Variants in TTLL13 observed in about 807,000 individuals in gnomAD.
TTLL13 encodes tubulin polyglutamylase TTLL13.
At chr15:90,251,280 A>ATTTTTTTTTTTTTTTTTTTT in the TTLL13 span, among the ~76,000 whole-genome samples, 1 of 109,518 alleles carries the variant, frequency 9.1e-6, no homozygotes, top group Non-Finnish European at 1.8e-5. Flanking sequence ...CGCATGGCAA[A>ATTTTTTTTTTTTTTTTTTTT]TTTTTTTTTT....
chr15:90,258,417 G>A, the TTLL13 span: 2 of 729,980 alleles, frequency 2.7e-6, no homozygotes, highest in East Asian at 2.5e-5. Context: ...GAAGGCATAA[G>A]ATCTCTACCC....
At chr15:90,260,099 C>G in the TTLL13 span, among the ~76,000 whole-genome samples, 1 of 152,144 alleles carries the variant, frequency 6.6e-6, no homozygotes, top group African/African-American at 2.4e-5. Flanking sequence ...GACTGTGTAC[C>G]TGAGGGTCAT....
the TTLL13 span, chr15:90,262,872 A>G: frequency 7.4e-7 from 1 of 1,353,254 alleles, no homozygotes; most frequent in African/African-American, 1.5e-5. Context: ...GGAAGGGATG[A>G]GGGTAGAGTG....
the TTLL13 span, among the ~76,000 whole-genome samples, chr15:90,256,712 G>A: frequency 6.7e-6 from 1 of 148,792 alleles, no homozygotes; most frequent in Non-Finnish European, 1.5e-5. Flanking sequence ...TTCTTTCGAT[G>A]GAGTCTCTCT....
At chr15:90,264,057 C>A in the TTLL13 span, 2 of 1,527,856 alleles carry the variant, frequency 1.3e-6, no homozygotes, top group African/African-American at 2.7e-5. Context: ...GGCTCACTAG[C>A]CGTAAGTATG....
chr15:90,252,990 C>T, the TTLL13 span, among the ~76,000 whole-genome samples: 2 of 152,114 alleles, frequency 1.3e-5, no homozygotes, highest in Non-Finnish European at 2.9e-5. Flanking sequence ...GGGCGAAACT[C>T]CGTCTCTAAA....
At chr15:90,256,834 C>A in the TTLL13 span, among the ~76,000 whole-genome samples, 1 of 152,002 alleles carries the variant, frequency 6.6e-6, no homozygotes, top group Non-Finnish European at 1.5e-5. Flanking sequence ...ATCACAGGCA[C>A]CTGCCACCAC....
the TTLL13 span, chr15:90,264,971 C>T: frequency 1.3e-6 from 2 of 1,532,890 alleles, no homozygotes; most frequent in South Asian, 1.2e-5. Flanking sequence ...CAGGTAAAAG[C>T]AGGAGGGAAG....
the TTLL13 span, chr15:90,251,622 G>C: frequency 1.2e-6 from 2 of 1,611,196 alleles, no homozygotes; most frequent in Non-Finnish European, 8.5e-7. Flanking sequence ...CGCTCACACT[G>C]TGGTGCATAA....
the TTLL13 span, chr15:90,265,183 C>G: frequency 7.5e-7 from 1 of 1,328,306 alleles, no homozygotes; most frequent in East Asian, 2.7e-5. Context: ...TGAAGAGGCG[C>G]CAAGGCCAGC....
the TTLL13 span, chr15:90,262,630 C>T: frequency 3.3e-6 from 5 of 1,520,942 alleles, no homozygotes; most frequent in African/African-American, 6.9e-5. Context: ...AGAGCCTTTC[C>T]ACCCACTTGG....
the TTLL13 span, among the ~76,000 whole-genome samples, chr15:90,254,959 C>T: frequency 1.3e-5 from 2 of 152,364 alleles, no homozygotes; most frequent in African/African-American, 4.8e-5. Flanking sequence ...CCCATTAAAT[C>T]CTCAAGAACA....
At chr15:90,262,939 T>C in the TTLL13 span, 1 of 1,529,400 alleles carries the variant, frequency 6.5e-7, no homozygotes. Flanking sequence ...TTGGAGATCC[T>C]GCATTTATCT....
chr15:90,263,047 C>A, the TTLL13 span: 3 of 1,536,092 alleles, frequency 2.0e-6, no homozygotes, highest in Non-Finnish European at 2.6e-6. Flanking sequence ...GGCCCTGCTA[C>A]AAAGGGAGAC....
chr15:90,251,707 G>A, the TTLL13 span: 1 of 1,214,718 alleles, frequency 8.2e-7, no homozygotes. Context: ...GGCCTGGCGG[G>A]CTTGCCTCTA....
the TTLL13 span, chr15:90,265,288 A>T: frequency 8.2e-7 from 1 of 1,224,456 alleles, no homozygotes; most frequent in East Asian, 4.7e-5. Flanking sequence ...GAGGCCATCC[A>T]GGAGACAATG....
the TTLL13 span, chr15:90,250,843 A>G: frequency 1.2e-6 from 2 of 1,614,084 alleles, no homozygotes; most frequent in African/African-American, 1.3e-5. Context: ...CAGTTGACAC[A>G]GGCGACTTAG....
the TTLL13 span, chr15:90,257,217 C>T: frequency 0.28 from 455,773 of 1,613,146 alleles, 72,552 homozygotes; most frequent in East Asian, 0.67. Flanking sequence ...CGGATCTTCA[C>T]ATATGAGGAG....
chr15:90,254,503 A>AAAAAAAAT, the TTLL13 span, among the ~76,000 whole-genome samples: 1 of 148,342 alleles, frequency 6.7e-6, no homozygotes, highest in African/African-American at 2.5e-5. Flanking sequence ...AAAAAAAAAA[A>AAAAAAAAT]AAAAAAAGGA....
Sources: allele counts gnomAD v4.1 joint callset (sites outside exome capture counted in the v4.1 genomes callset), GRCh38; gene constraint gnomAD v4.1.1; transcripts MANE v1.5; gene names NCBI Gene and HGNC (gene_info 2026-07-23, HGNC 2026-07-21).